Variants in TBC1D20 observed in about 807,000 individuals in gnomAD.
TBC1D20 encodes chromosome 20 open reading frame 140.
A neutral mutation model predicts 41.6 loss-of-function variants in TBC1D20; 12 were observed. The ratio of observed to expected loss-of-function variants is 0.29; its 90% CI spans 0.18 to 0.47. TBC1D20 has a LOEUF of 0.47. Among genes scored for constraint, TBC1D20 ranks in the 20% least tolerant of loss-of-function variants. The pLI is 1.00. For synonymous variants in TBC1D20, 205 were observed against 204.8 expected, an observed-to-expected ratio of 1.00 and a Z score of -0.01; for missense variants, 421 against 517.4, an observed-to-expected ratio of 0.81 and a Z score of 1.81.
chr20:448,930 G>A (rs186347231), intron 1 of TBC1D20, among the ~76,000 whole-genome samples: 4 of 137,920 alleles, frequency 2.9e-5, no homozygotes, highest in South Asian at 2.6e-4. Context: ...TGCAACCTCC[G>A]CCTCCCGGGT....
chr20:453,153 CAAAAAAAAAAAAAAAAAA>C (rs71191943), intron 1 of TBC1D20, among the ~76,000 whole-genome samples: 1,480 of 44,904 alleles, frequency 0.033, 48 homozygotes, highest in African/African-American at 0.08. Context: ...AACTCCGTTT[CAAAAAAAAAAAAAAAAAA>C]AAAAAAAAAA....
At position 456,922 on chromosome 20, in the gene TBC1D20, T is replaced by TA. The variant is rs549791021; in HGVS notation, c.70+5413_70+5414insT. On this transcript the variant is annotated intron_variant, in intron 1 of 7. Coordinates refer to ENST00000354200, the MANE Select transcript of TBC1D20 (RefSeq NM_144628.4). Reference sequence around the variant, plus strand: ...GGCTTCACCAAGAATATATTCTGGATCCTTCTTTTAATTTTTTTTTTTTTT... The same window carrying TA: ...GGCTTCACCAAGAATATATTCTGGATACCTTCTTTTAATTTTTTTTTTTTTT... Among the ~76,000 whole-genome samples the TA allele has an allele frequency of 5.0e-4, 72 of 143,318 alleles. No homozygotes were observed. In the East Asian group the frequency reaches 7.5e-3, roughly 15 times the overall value. The allele number at this position is 143,318 out of a possible 152,430, so 94.0% of individuals were successfully genotyped here.
chr20:457,634 C>T (rs2017564519), intron 1 of TBC1D20, among the ~76,000 whole-genome samples: 1 of 152,162 alleles, frequency 6.6e-6, no homozygotes, highest in African/African-American at 2.4e-5. Context: ...AACACCATGT[C>T]CAGGAAACAA....
At chr20:456,410 T>C (rs530205211) in intron 1 of TBC1D20, among the ~76,000 whole-genome samples, 5 of 152,242 alleles carry the variant, frequency 3.3e-5, no homozygotes, top group African/African-American at 7.2e-5. Flanking sequence ...TGTCACTTAA[T>C]GGGTGTCTAC....
Position 462,446 on chromosome 20 carries a change from G to GCGGA in TBC1D20, c.-45_-42dup. The GCGGA allele has an allele frequency of 8.7e-7, 1 of 1,149,736 alleles. No homozygotes were observed. Among genetic ancestry groups the GCGGA allele is most frequent in the Admixed American group, 3.9e-5 (1 of 25,560 alleles). 71.2% of individuals were successfully genotyped at this position (1,149,736 alleles called of 1,614,324 possible). A position where few individuals can be genotyped will look rare whatever the true frequency, so the allele number is the denominator to read the frequency against. ...GCCCCCACCCGAGCCCCGGCTGGTG[G>GCGGA]CGGAGCCGGGAGAAGACGCGGCTCC... On this transcript the variant is annotated 5_prime_UTR_variant, in exon 1 of 8. Transcript: ENST00000354200.
chr20:447,075 C>T (rs1037613262), intron 2 of TBC1D20, among the ~76,000 whole-genome samples: 1 of 149,312 alleles, frequency 6.7e-6, no homozygotes, highest in Admixed American at 6.7e-5. Flanking sequence ...CAGCCTCCTG[C>T]GTAGCTGGGA....
intron 1 of TBC1D20, among the ~76,000 whole-genome samples, chr20:461,332 G>A (rs1168542997): frequency 6.6e-6 from 1 of 152,144 alleles, no homozygotes; most frequent in Non-Finnish European, 1.5e-5. Flanking sequence ...AACTAAAAGA[G>A]TATAAAAATA....
chr20:456,475 T>C (rs1037284828), intron 1 of TBC1D20, among the ~76,000 whole-genome samples: 1 of 152,236 alleles, frequency 6.6e-6, no homozygotes, highest in Non-Finnish European at 1.5e-5. Context: ...TCCCAGCCCT[T>C]GAAGGGCTCA....
Position 455,717 on chromosome 20 carries a change from G to A in TBC1D20, c.70+6619C>T, listed in dbSNP as rs376506. Among the ~76,000 whole-genome samples the A allele has an allele frequency of 4.1e-3, 617 of 152,178 alleles. 3 individuals carry two copies. The highest frequency in any genetic ancestry group is 0.014 in the African/African-American group (573 of 41,486). ...GGAAGTCGAGGCGAGCGGATCACCT[G>A]AGGTCAGGCGTTCGAGACCAGCCTG... On this transcript the variant is annotated intron_variant, in intron 1 of 7. Coordinates refer to ENST00000354200, the MANE Select transcript of TBC1D20 (RefSeq NM_144628.4).
At chr20:455,736 C>T (rs1038341535) in intron 1 of TBC1D20, among the ~76,000 whole-genome samples, 1 of 151,638 alleles carries the variant, frequency 6.6e-6, no homozygotes, top group African/African-American at 2.4e-5. Flanking sequence ...CGTTCGAGAC[C>T]AGCCTGACCA....
At position 440,376 on chromosome 20, in the gene TBC1D20, TC is replaced by T; in HGVS notation, c.639del (p.Thr214ProfsTer35). On this transcript the variant is annotated frameshift_variant, in exon 6 of 8. Coordinates refer to ENST00000354200, the MANE Select transcript of TBC1D20 (RefSeq NM_144628.4). LOFTEE classifies it high-confidence loss of function. ...ATGAGCCAGCTGAGGGCAAAGATGG[TC>T]CCTACCTCAGCACTAGAAACAAAGG... Reference protein sequence around the residue: ...LHDFMQSAEVGTIFALSWLIT... With the variant: ...LHDFMQSAEVXTIFALSWLIT... 6.2e-7 allele frequency: 1 copy of T among 1,614,118 alleles called. No homozygotes were observed. Among genetic ancestry groups the T allele is most frequent in the Middle Eastern group, 1.6e-4 (1 of 6,062 alleles).
chr20:444,730 G>T (rs1320522471), intron 3 of TBC1D20, among the ~76,000 whole-genome samples: 1 of 152,102 alleles, frequency 6.6e-6, no homozygotes, highest in African/African-American at 2.4e-5. Context: ...ACTCATTCTT[G>T]TTGGTGCCCA....
At chr20:457,921 C>T (rs2017569475) in intron 1 of TBC1D20, among the ~76,000 whole-genome samples, 1 of 152,052 alleles carries the variant, frequency 6.6e-6, no homozygotes, top group South Asian at 2.1e-4. Flanking sequence ...TAATTTCCAA[C>T]AAAGAGAAAA....
chr20:441,851 T>C lies in TBC1D20; in HGVS notation c.524+6A>G, dbSNP rs778699532. 3 of 1,613,138 alleles carry C rather than the reference T, an allele frequency of 1.9e-6. No homozygotes were observed. The highest frequency in any genetic ancestry group is 1.1e-5 in the South Asian group (1 of 91,022). On this transcript the variant is annotated splice_donor_region_variant and intron_variant, in intron 4 of 7. Transcript: ENST00000354200. The stretch of plus-strand genomic sequence containing the variant: ...CCCGTCGTCTTGTGTTCCTCTCTAC[T>C]GGTACCTGAGGTGGTGGGTAGATAA...
chr20:446,660 T>C (rs1185789101), intron 2 of TBC1D20, among the ~76,000 whole-genome samples: 1 of 151,996 alleles, frequency 6.6e-6, no homozygotes, highest in Non-Finnish European at 1.5e-5. Flanking sequence ...TGTTTTTGTG[T>C]GTGTTTAATT....
At chr20:447,852 G>A in intron 2 of TBC1D20, 37 bp downstream of exon 2, 1 of 1,552,452 alleles carries the variant, frequency 6.4e-7, no homozygotes, top group Non-Finnish European at 8.8e-7. Context: ...CTGTCTCCTA[G>A]ATAAGCTCCC....
At chr20:442,451 G>C (rs1406624538) in intron 3 of TBC1D20, among the ~76,000 whole-genome samples, 1 of 152,212 alleles carries the variant, frequency 6.6e-6, no homozygotes, top group African/African-American at 2.4e-5. Context: ...CAAAGGAAGA[G>C]AAATTTAACT....
intron 2 of TBC1D20, 102 bp from the exon 3 acceptor site, chr20:445,232 C>G (rs2017310636): frequency 1.2e-6 from 1 of 802,262 alleles, no homozygotes; most frequent in Middle Eastern, 2.4e-4. Flanking sequence ...CACATGTCAG[C>G]TTCTCCTGAA....
At chr20:452,716 GA>G (rs2031286631) in intron 1 of TBC1D20, among the ~76,000 whole-genome samples, 2 of 152,218 alleles carry the variant, frequency 1.3e-5, no homozygotes, top group African/African-American at 4.8e-5. Context: ...TGAAGTGGAA[GA>G]TATCACCAGA....
Sources: allele counts gnomAD v4.1 joint callset (sites outside exome capture counted in the v4.1 genomes callset), GRCh38; gene constraint gnomAD v4.1.1; transcripts MANE v1.5; gene names NCBI Gene and HGNC (gene_info 2026-07-23, HGNC 2026-07-21).